CSGALNACT1: variants seen among roughly 807,000 people sequenced by gnomAD.
CSGALNACT1 encodes beta4GalNAcT-1.
A neutral mutation model predicts 51.0 loss-of-function variants in CSGALNACT1; 52 were observed. The ratio of observed to expected loss-of-function variants is 1.02; its 90% CI spans 0.82 to 1.29. CSGALNACT1 has a LOEUF of 1.29. Ranked by LOEUF, CSGALNACT1 falls within the 50% of genes most tolerant of loss-of-function variation. The probability of loss-of-function intolerance (pLI) is 0.00; values close to 1 mark genes in which losing one functional copy is unlikely to be tolerated. For missense variants in CSGALNACT1, 935 were observed against 679.2 expected, an observed-to-expected ratio of 1.38 and a Z score of -4.19; for synonymous variants, 341 against 254.4, an observed-to-expected ratio of 1.34 and a Z score of -3.24.
chr8:19,540,956 G>C (rs923028763), intron 3 of CSGALNACT1, among the ~76,000 whole-genome samples: 1 of 152,126 alleles, frequency 6.6e-6, no homozygotes, highest in Non-Finnish European at 1.5e-5. Context: ...CACTCTCCAA[G>C]CCCCTACCCT....
rs372331308 is a variant in CSGALNACT1 at position 19,655,563 on chromosome 8, C to CATATATATATAT, written c.-544+26909_-544+26910insATATATATATAT. Among the ~76,000 whole-genome samples the CATATATATATAT allele has an allele frequency of 2.3e-4, 29 of 127,024 alleles. No individual in the cohort carries two copies. In the East Asian group the frequency reaches 5.0e-3, roughly 22 times the overall value. 83.3% of individuals were successfully genotyped at this position (127,024 alleles called of 152,430 possible). A position where few individuals can be genotyped will look rare whatever the true frequency, so the allele number is the denominator to read the frequency against. ...ACATCTATATGCACATATATATACA[C>CATATATATATAT]ACACACACACACACACATATATATA... On this transcript the variant is annotated intron_variant, in intron 1 of 9. Transcript: ENST00000332246.
At chr8:19,428,795 A>G (rs1296375351) in intron 6 of CSGALNACT1, among the ~76,000 whole-genome samples, 1 of 151,598 alleles carries the variant, frequency 6.6e-6, no homozygotes, top group East Asian at 1.9e-4. Flanking sequence ...ATTGATTAGG[A>G]CAAAACACCC....
chr8:19,444,745 A>G (rs949128053), intron 5 of CSGALNACT1, among the ~76,000 whole-genome samples: 17 of 152,334 alleles, frequency 1.1e-4, no homozygotes, highest in African/African-American at 3.1e-4. Flanking sequence ...TCTTGCCCTC[A>G]TAACACTTAC....
intron 4 of CSGALNACT1, among the ~76,000 whole-genome samples, chr8:19,484,107 G>A (rs1444594153): frequency 2.0e-5 from 3 of 152,162 alleles, no homozygotes; most frequent in African/African-American, 4.8e-5. Flanking sequence ...ACAGTGATCA[G>A]ATCAAATATT....
chr8:19,654,576 G>A (rs2058097623), intron 1 of CSGALNACT1, among the ~76,000 whole-genome samples: 1 of 152,034 alleles, frequency 6.6e-6, no homozygotes, highest in Non-Finnish European at 1.5e-5. Flanking sequence ...AGGGGGTTTT[G>A]CTCTATAACT....
intron 6 of CSGALNACT1, among the ~76,000 whole-genome samples, chr8:19,434,549 C>A (rs1302114401): frequency 6.6e-6 from 1 of 152,164 alleles, no homozygotes; most frequent in African/African-American, 2.4e-5. Context: ...AGGAAATTAA[C>A]ATTTTTACAT....
At chr8:19,515,767 G>C (rs1049640725) in intron 3 of CSGALNACT1, among the ~76,000 whole-genome samples, 1 of 151,990 alleles carries the variant, frequency 6.6e-6, no homozygotes, top group Non-Finnish European at 1.5e-5. Context: ...TAGAGAGGAG[G>C]CTTGATGGAG....
At chr8:19,427,195 T>C (rs1354097740) in intron 6 of CSGALNACT1, among the ~76,000 whole-genome samples, 1 of 152,196 alleles carries the variant, frequency 6.6e-6, no homozygotes, top group Non-Finnish European at 1.5e-5. Flanking sequence ...CCATCGGTTC[T>C]AAAAGTTCAT....
At chr8:19,421,069 C>T (rs963828433) in intron 6 of CSGALNACT1, among the ~76,000 whole-genome samples, 2 of 152,264 alleles carry the variant, frequency 1.3e-5, no homozygotes, top group Middle Eastern at 3.2e-3. Flanking sequence ...AAATGACCAA[C>T]TTGCAGTTAG....
At chr8:19,428,835 G>C (rs796565803) in intron 6 of CSGALNACT1, among the ~76,000 whole-genome samples, 12 of 76,810 alleles carry the variant, frequency 1.6e-4, no homozygotes, top group South Asian at 3.3e-4. Flanking sequence ...ATGTGTGTGT[G>C]TGTGTGTGTG....
chr8:19,738,198 G>C (rs958153764), intron 1 of CSGALNACT1, among the ~76,000 whole-genome samples: 4 of 152,160 alleles, frequency 2.6e-5, no homozygotes, highest in African/African-American at 7.2e-5. Flanking sequence ...CTGTACTCCT[G>C]AGTGACAGAG....
chr8:19,748,557 A>G (rs1208228007), intron 1 of CSGALNACT1, among the ~76,000 whole-genome samples: 2 of 152,186 alleles, frequency 1.3e-5, no homozygotes, highest in Non-Finnish European at 2.9e-5. Flanking sequence ...TGACACATAT[A>G]TTAAGGATTT....
At chr8:19,719,132 C>T (rs888075862) in intron 1 of CSGALNACT1, among the ~76,000 whole-genome samples, 8 of 152,210 alleles carry the variant, frequency 5.3e-5, no homozygotes, top group Non-Finnish European at 1.2e-4. Context: ...ACAATATACA[C>T]ATACACTATA....
At chr8:19,630,134 A>G (rs13274499) in intron 1 of CSGALNACT1, among the ~76,000 whole-genome samples, 8,239 of 151,712 alleles carry the variant, frequency 0.054, 319 homozygotes, top group Admixed American at 0.1. Flanking sequence ...GACTGTGCAC[A>G]GTTGTGGGTA....
At chr8:19,432,839 C>T (rs1025850326) in intron 6 of CSGALNACT1, among the ~76,000 whole-genome samples, 4 of 151,998 alleles carry the variant, frequency 2.6e-5, no homozygotes, top group Admixed American at 6.6e-5. Context: ...TTTTCATATA[C>T]TTCAGTTCTT....
At chr8:19,707,617 C>A (rs1451923116) in intron 1 of CSGALNACT1, among the ~76,000 whole-genome samples, 1 of 130,982 alleles carries the variant, frequency 7.6e-6, no homozygotes, top group Non-Finnish European at 1.7e-5. Flanking sequence ...AAATCACCCT[C>A]TACAAGAGCT....
At chr8:19,599,989 T>C (rs1482408838) in intron 2 of CSGALNACT1, among the ~76,000 whole-genome samples, 1 of 152,238 alleles carries the variant, frequency 6.6e-6, no homozygotes, top group Non-Finnish European at 1.5e-5. Flanking sequence ...CCATAAGTTG[T>C]GCAGTAGGGA....
At chr8:19,641,363 T>G (rs1317333636) in intron 1 of CSGALNACT1, among the ~76,000 whole-genome samples, 2 of 152,068 alleles carry the variant, frequency 1.3e-5, no homozygotes, top group East Asian at 3.9e-4. Context: ...CAAGCTGCCT[T>G]AATCTAGTTC....
intron 1 of CSGALNACT1, among the ~76,000 whole-genome samples, chr8:19,678,172 T>C (rs546514000): frequency 6.6e-6 from 1 of 152,276 alleles, no homozygotes; most frequent in Admixed American, 6.5e-5. Flanking sequence ...GTTTCCTAAA[T>C]TGTTTTCTCA....
Sources: allele counts gnomAD v4.1 joint callset (sites outside exome capture counted in the v4.1 genomes callset), GRCh38; gene constraint gnomAD v4.1.1; transcripts MANE v1.5; gene names NCBI Gene and HGNC (gene_info 2026-07-23, HGNC 2026-07-21).